GFOD2: variants seen among roughly 807,000 people sequenced by gnomAD.
The protein encoded by GFOD2 is glucose-fructose oxidoreductase domain-containing protein 2.
In GFOD2, 9 loss-of-function variants were observed where a neutral mutation model predicts 24.6. That is an observed-to-expected ratio of 0.37 (90% CI 0.22 to 0.64). GFOD2 has a LOEUF of 0.64. GFOD2 is among the 30% of genes least tolerant of loss of function. The pLI, the probability that GFOD2 is intolerant of heterozygous loss-of-function variation, is 0.65. For synonymous variants in GFOD2, 211 were observed against 224.8 expected, an observed-to-expected ratio of 0.94 and a Z score of 0.55; for missense variants, 476 against 532.5, an observed-to-expected ratio of 0.89 and a Z score of 1.04.
Position 67,675,408 on chromosome 16 carries a change from A to G in GFOD2, c.905T>C (p.Leu302Pro), listed in dbSNP as rs1334866428. 6.2e-7 allele frequency: 1 copy of G among 1,613,154 alleles called. No individual in the cohort carries two copies. The highest frequency in any genetic ancestry group is 8.5e-7 in the Non-Finnish European group (1 of 1,179,984). ...PEQGPQDVPL[L>P]YLKGMVYMVQ... ...CATGTAGACCATGCCCTTCAGGTAC[A>G]GCAGCGGGACATCCTGGGGCCCCTG... Residue 302 changes from leucine to proline, a missense_variant, in exon 3 of 3, where the codon CTG becomes CCG. Transcript: ENST00000268797.
intron 1 of GFOD2, among the ~76,000 whole-genome samples, chr16:67,702,648 G>A (rs2053411281): frequency 7.3e-6 from 1 of 136,620 alleles, no homozygotes; most frequent in Non-Finnish European, 1.5e-5. Context: ...TGCCCAGTCT[G>A]GAGCACAGTG....
chr16:67,691,511 C>CCG (rs1233239336), intron 1 of GFOD2, among the ~76,000 whole-genome samples: 2 of 147,352 alleles, frequency 1.4e-5, no homozygotes, highest in African/African-American at 5.2e-5. Context: ...TGCCTAGACC[C>CCG]CCCCCCAAAA....
chr16:67,701,146 T>C (rs2053400101), intron 1 of GFOD2, among the ~76,000 whole-genome samples: 1 of 152,142 alleles, frequency 6.6e-6, no homozygotes, highest in African/African-American at 2.4e-5. Flanking sequence ...GAAGCAACTA[T>C]TCATTATTGG....
At chr16:67,682,521 C>G (rs2053234730) in intron 2 of GFOD2, 1 of 985,150 alleles carries the variant, frequency 1.0e-6, no homozygotes, top group African/African-American at 1.7e-5. Context: ...GGGCCCTTCC[C>G]CTCTCCCCTT....
At chr16:67,679,611 G>A (rs191062726) in intron 2 of GFOD2, among the ~76,000 whole-genome samples, 10 of 151,992 alleles carry the variant, frequency 6.6e-5, no homozygotes, top group African/African-American at 1.7e-4. Context: ...GGTCTTGGCC[G>A]GGCGCAGTGG....
chr16:67,675,688 C>G lies in GFOD2; in HGVS notation c.625G>C (p.Ala209Pro). The G allele has an allele frequency of 6.2e-7, 1 of 1,613,790 alleles. No homozygotes were observed. Among genetic ancestry groups the G allele is most frequent in the African/African-American group, 1.3e-5 (1 of 75,062 alleles). ...GLLKTFVRQN[A>P]AIRGIRHVTS... ...ACGTGCCGGATGCCACGGATGGCAG[C>G]GTTCTGCCTCACGAATGTCTTGAGC... The change falls in exon 3 of 3, where the codon GCT becomes CCT. Residue 209 changes from alanine to proline, a missense_variant. Physicochemically the swap from Ala to Pro is conservative, Grantham distance 27. Coordinates refer to ENST00000268797, the MANE Select transcript of GFOD2 (RefSeq NM_030819.4).
intron 1 of GFOD2, among the ~76,000 whole-genome samples, chr16:67,711,841 A>C (rs2053475998): frequency 2.0e-5 from 3 of 152,152 alleles, no homozygotes; most frequent in Admixed American, 6.5e-5. Context: ...CTCTACCTTC[A>C]AAATATACCC....
At chr16:67,717,474 T>C (rs1031473956) in intron 1 of GFOD2, among the ~76,000 whole-genome samples, 1 of 152,138 alleles carries the variant, frequency 6.6e-6, no homozygotes, top group Non-Finnish European at 1.5e-5. Flanking sequence ...AGAAATCAGA[T>C]AGCAATTGCC....
intron 1 of GFOD2, among the ~76,000 whole-genome samples, chr16:67,698,687 C>T (rs1374907976): frequency 2.0e-5 from 3 of 152,186 alleles, no homozygotes; most frequent in Non-Finnish European, 4.4e-5. Flanking sequence ...CCATATTGGC[C>T]AGGCTGGTCT....
At chr16:67,697,729 T>C (rs1376339236) in intron 1 of GFOD2, among the ~76,000 whole-genome samples, 1 of 152,176 alleles carries the variant, frequency 6.6e-6, no homozygotes, top group Non-Finnish European at 1.5e-5. Context: ...GCCAGGCAAG[T>C]TCCTTCCACT....
intron 1 of GFOD2, among the ~76,000 whole-genome samples, chr16:67,715,151 C>T (rs990942616): frequency 2.0e-5 from 3 of 152,064 alleles, no homozygotes; most frequent in Non-Finnish European, 4.4e-5. Flanking sequence ...CTCTGCCTCC[C>T]GAGTTCAAGC....
In GFOD2 at chr16:67,692,882, T is replaced by A. The variant is rs900988754; in HGVS notation, c.-87-7080A>T. On this transcript the variant is annotated intron_variant, in intron 1 of 2. Coordinates refer to ENST00000268797, the MANE Select transcript of GFOD2 (RefSeq NM_030819.4). ...TCTACTAAAAATACAAAAACAAAAT[T>A]ATCCAGGCGTGATGGTGGGCACCTG... Among the ~76,000 whole-genome samples, 9 of 150,742 alleles carry A rather than the reference T, an allele frequency of 6.0e-5. 1 individual carries two copies. Among genetic ancestry groups the A allele is most frequent in the African/African-American group, 2.2e-4 (9 of 40,934 alleles).
chr16:67,716,245 T>C (rs1445683999), intron 1 of GFOD2, among the ~76,000 whole-genome samples: 1 of 152,236 alleles, frequency 6.6e-6, no homozygotes, highest in Non-Finnish European at 1.5e-5. Context: ...CTGGTTTATC[T>C]GGTAGGGTTT....
intron 1 of GFOD2, among the ~76,000 whole-genome samples, chr16:67,686,520 T>C (rs892740185): frequency 5.9e-5 from 9 of 152,004 alleles, no homozygotes; most frequent in African/African-American, 1.9e-4. Flanking sequence ...TTCATGATTC[T>C]ATATATGACA....
At chr16:67,711,918 A>G (rs2053476762) in intron 1 of GFOD2, among the ~76,000 whole-genome samples, 1 of 151,998 alleles carries the variant, frequency 6.6e-6, no homozygotes, top group African/African-American at 2.4e-5. Context: ...CGTTTCCTTC[A>G]GGTCTCTACT....
intron 2 of GFOD2, chr16:67,681,155 G>A: frequency 3.1e-6 from 3 of 975,814 alleles, no homozygotes; most frequent in Non-Finnish European, 3.7e-6. Flanking sequence ...GACCAGGGAG[G>A]GATGTAATGA....
chr16:67,689,163 A>G (rs1306031504), intron 1 of GFOD2, among the ~76,000 whole-genome samples: 1 of 151,232 alleles, frequency 6.6e-6, no homozygotes, highest in East Asian at 2.0e-4. Context: ...CCTCAGCCAC[A>G]TGATAGCTGG....
Position 67,675,662 on chromosome 16 carries a change from G to A in GFOD2, c.651C>T (p.Val217=), listed in dbSNP as rs1386644036. 3 of 1,613,516 alleles carry A rather than the reference G, an allele frequency of 1.9e-6. 1 individual carries two copies. Among genetic ancestry groups the A allele is most frequent in the East Asian group, 2.2e-5 (1 of 44,890 alleles). The stretch of plus-strand genomic sequence containing the variant: ...GGAAGAAACAGAAGTCATCGCTAGT[G>A]ACGTGCCGGATGCCACGGATGGCAG... ...QNAAIRGIRH[V]TSDDFCFFQM... Residue 217 remains valine (V), a synonymous_variant, in exon 3 of 3, where the codon GTC becomes GTT. Coordinates refer to ENST00000268797, the MANE Select transcript of GFOD2 (RefSeq NM_030819.4).
At chr16:67,678,698 G>A (rs900220444) in intron 2 of GFOD2, among the ~76,000 whole-genome samples, 5 of 152,082 alleles carry the variant, frequency 3.3e-5, no homozygotes, top group Non-Finnish European at 7.4e-5. Flanking sequence ...TACTATAACT[G>A]TAAAGCAGGA....
Sources: allele counts gnomAD v4.1 joint callset (sites outside exome capture counted in the v4.1 genomes callset), GRCh38; gene constraint gnomAD v4.1.1; transcripts MANE v1.5; gene names NCBI Gene and HGNC (gene_info 2026-07-23, HGNC 2026-07-21).